The following GLP2R variants were observed in gnomAD, a reference collection of about 807,000 sequenced individuals.
GLP2R encodes the protein glucagon-like peptide 2 receptor.
Under a neutral mutation model 68.2 loss-of-function variants are expected in GLP2R, and 59 were observed. That is an observed-to-expected ratio of 0.87 (90% CI 0.70 to 1.07). The LOEUF (loss-of-function observed/expected upper bound fraction) is 1.07, where lower values mean the gene tolerates loss of function less well. Ranked by LOEUF, GLP2R falls within the 50% of genes least tolerant of loss-of-function variation. The pLI is 0.00. For missense variants in GLP2R, 548 were observed against 677.4 expected (o/e 0.81, Z 2.12); for synonymous variants, 270 against 265.4 (o/e 1.02, Z -0.17).
At chr17:9,842,470 C>G (rs200157490) in intron 3 of GLP2R, 25 bp from the exon 4 acceptor site, 26 of 1,613,756 alleles carry the variant, frequency 1.6e-5, no homozygotes, top group Non-Finnish European at 3.4e-6. Context: ...TCTGACCTTT[C>G]CTCCAGAGCT....
chr17:9,835,694 C>G (rs2066722330), intron 2 of GLP2R, among the ~76,000 whole-genome samples: 1 of 152,050 alleles, frequency 6.6e-6, no homozygotes, highest in Non-Finnish European at 1.5e-5. Context: ...GAACATAAGG[C>G]ACTGGCTCAG....
intron 5 of GLP2R, among the ~76,000 whole-genome samples, chr17:9,855,510 A>T (rs1022944707): frequency 3.3e-5 from 5 of 152,184 alleles, no homozygotes; most frequent in African/African-American, 1.2e-4. Context: ...TTTACAGAAG[A>T]GATTAAGAAT....
chr17:9,833,742 T>G, intron 1 of GLP2R, 65 bp from the exon 2 acceptor site: 1 of 931,604 alleles, frequency 1.1e-6, no homozygotes, highest in South Asian at 1.5e-5. Flanking sequence ...AATCATGGTG[T>G]GAAGTGACAA....
In GLP2R at chr17:9,826,086, C is replaced by T; in HGVS notation, c.23C>T (p.Ala8Val). The T allele has an allele frequency of 6.2e-7, 1 of 1,612,714 alleles. No homozygotes were observed. The part of the protein sequence containing the change: MKLGSSR[A>V]GPGRGSAGLL... ...AAGATGAAGCTGGGATCGAGCAGGG[C>T]AGGGCCTGGGAGAGGAAGCGCGGGA... Residue 8 changes from alanine (A) to valine (V), a missense_variant, in exon 1 of 13, where the codon GCA (alanine) becomes GTA (valine). Coordinates refer to ENST00000262441, the MANE Select transcript of GLP2R (RefSeq NM_004246.3).
intron 9 of GLP2R, among the ~76,000 whole-genome samples, chr17:9,863,332 T>C (rs1287715344): frequency 6.6e-6 from 1 of 152,212 alleles, no homozygotes; most frequent in African/African-American, 2.4e-5. Context: ...GTGTATGAAC[T>C]CATTTAATCT....
At chr17:9,849,837 T>A (rs2066876089) in intron 4 of GLP2R, among the ~76,000 whole-genome samples, 1 of 152,048 alleles carries the variant, frequency 6.6e-6, no homozygotes, top group African/African-American at 2.4e-5. Flanking sequence ...ATGGTCTTGA[T>A]CTCCTGACCT....
At chr17:9,887,680 C>T (rs1308957903) in intron 11 of GLP2R, among the ~76,000 whole-genome samples, 1 of 152,200 alleles carries the variant, frequency 6.6e-6, no homozygotes, top group Non-Finnish European at 1.5e-5. Context: ...TGTGAACAAT[C>T]TAAGCAAACA....
In GLP2R at chr17:9,851,430, C is replaced by CA. The variant is rs528052587; in HGVS notation, c.505-3063dup. Among the ~76,000 whole-genome samples the CA allele has an allele frequency of 2.6e-5, 4 of 152,118 alleles. No individual in the cohort carries two copies. The East Asian group carries it at 7.7e-4, about 29-fold the overall frequency. ...GTGAAACAAACCACAAGTACTTTGA[C>CA]AATAAGAGTTGACAATAAGCAGAGA... is the stretch of plus-strand genomic sequence containing the variant. On this transcript the variant is annotated intron_variant, in intron 4 of 12. Transcript: ENST00000262441.
chr17:9,884,661 G>T (rs1357185266), intron 11 of GLP2R, among the ~76,000 whole-genome samples: 1 of 151,962 alleles, frequency 6.6e-6, no homozygotes, highest in African/African-American at 2.4e-5. Flanking sequence ...AGCCTGAAGT[G>T]TGGTATGAGC....
intron 3 of GLP2R, among the ~76,000 whole-genome samples, chr17:9,840,414 T>C (rs1597379562): frequency 6.6e-6 from 1 of 152,270 alleles, no homozygotes. Flanking sequence ...TTATGGCTAG[T>C]ACAGACAATG....
intron 2 of GLP2R, among the ~76,000 whole-genome samples, chr17:9,835,693 G>C (rs2066722306): frequency 6.6e-6 from 1 of 152,056 alleles, no homozygotes; most frequent in Non-Finnish European, 1.5e-5. Flanking sequence ...GGAACATAAG[G>C]CACTGGCTCA....
In GLP2R at chr17:9,891,163, G is replaced by C. The variant is rs2067287582; in HGVS notation, c.*1458G>C. 6.6e-6 allele frequency: 1 copy of C among 152,140 alleles called. No individual in the cohort carries two copies. The highest frequency in any genetic ancestry group is 1.5e-5 in the Non-Finnish European group (1 of 68,034). 9.4% of individuals were successfully genotyped at this position (152,140 alleles called of 1,614,324 possible). ...GGTACTCAATTAAATTTGAATTTCA[G>C]ACAAATAGTCTTCTTGTATAAGTAT... On this transcript the variant is annotated 3_prime_UTR_variant, in exon 13 of 13. Transcript: ENST00000262441.
chr17:9,826,043 T>C lies in GLP2R; in HGVS notation c.-21T>C. The C allele has an allele frequency of 6.2e-7, 1 of 1,603,296 alleles. No individual in the cohort carries two copies. The highest frequency in any genetic ancestry group is 1.7e-5 in the Admixed American group (1 of 57,854). On this transcript the variant is annotated 5_prime_UTR_variant, in exon 1 of 13. Coordinates refer to ENST00000262441, the MANE Select transcript of GLP2R (RefSeq NM_004246.3). ...GACGGCTAGAGAGATGTACCCCTAC[T>C]TGTGAAGGTGCACGAGGAAGATGAA...
intron 9 of GLP2R, among the ~76,000 whole-genome samples, chr17:9,864,877 GGGCCTTGCTGCTTT>G (rs1397398248): frequency 6.6e-6 from 1 of 152,128 alleles, no homozygotes; most frequent in Non-Finnish European, 1.5e-5. Flanking sequence ...CTACTGCTTT[GGGCCTTGCTGCTTT>G]GGCCTTCTAT....
chr17:9,867,090 T>C (rs1209714481), intron 9 of GLP2R: 2 of 152,226 alleles, frequency 1.3e-5, no homozygotes, highest in African/African-American at 4.8e-5. Flanking sequence ...GCACTTGGCA[T>C]TTCTAGGTAC....
intron 8 of GLP2R, 77 bp downstream of exon 8, chr17:9,861,276 T>C (rs2066985189): frequency 2.0e-6 from 2 of 975,624 alleles, no homozygotes; most frequent in Non-Finnish European, 3.3e-6. Context: ...AATGACATCA[T>C]TTTACCGTAG....
chr17:9,890,268 G>T lies in GLP2R; in HGVS notation c.*563G>T. 2.9e-6 allele frequency: 1 copy of T among 342,862 alleles called. No homozygotes were observed. Among genetic ancestry groups the T allele is most frequent in the Non-Finnish European group, 5.7e-6 (1 of 175,466 alleles). 21.2% of individuals were successfully genotyped at this position (342,862 alleles called of 1,614,324 possible). On this transcript the variant is annotated 3_prime_UTR_variant, in exon 13 of 13. Transcript: ENST00000262441. ...CACTGGGCAGGGTGAGAGGGAGCTA[G>T]AAGCGCCCCCATGTGGCCATGGCAG...
chr17:9,858,718 T>A (rs1363605784), intron 6 of GLP2R, among the ~76,000 whole-genome samples: 1 of 152,238 alleles, frequency 6.6e-6, no homozygotes, highest in Non-Finnish European at 1.5e-5. Context: ...TAGGAATTCA[T>A]CTATTTCATC....
chr17:9,843,994 G>A (rs1179947270), intron 4 of GLP2R, among the ~76,000 whole-genome samples: 1 of 152,178 alleles, frequency 6.6e-6, no homozygotes, highest in Non-Finnish European at 1.5e-5. Flanking sequence ...GGGTCATGGA[G>A]GATGGGGAAA....
Sources: gnomAD v4.1 joint callset for allele counts (sites outside exome capture counted in the v4.1 genomes callset) on GRCh38, gnomAD v4.1.1 for gene constraint, MANE v1.5 for transcripts, NCBI Gene and HGNC (gene_info 2026-07-23, HGNC 2026-07-21) for gene names.